GRAMD2B: variants seen among roughly 807,000 people sequenced by gnomAD.
The protein encoded by GRAMD2B is GRAM domain containing 2B, also known as GRAM domain-containing protein 2B.
A neutral mutation model predicts 59.2 loss-of-function variants in GRAMD2B; 41 were observed. The ratio of observed to expected loss-of-function variants is 0.69; its 90% CI spans 0.54 to 0.90. The LOEUF is 0.90. GRAMD2B is among the 40% of genes least tolerant of loss of function. GRAMD2B has a pLI of 0.00. For synonymous variants in GRAMD2B, 161 were observed against 182.7 expected, an observed-to-expected ratio of 0.88 and a Z score of 0.96; for missense variants, 424 against 500.5, an observed-to-expected ratio of 0.85 and a Z score of 1.46.
exon 1 of GRAMD2B, chr5:126,360,345 A>C: frequency 6.4e-7 from 1 of 1,551,344 alleles, no homozygotes; most frequent in South Asian, 1.2e-5. Flanking sequence ...ACAAGGAGAC[A>C]GCAAGTCCTA....
chr5:126,425,880 T>C (rs972771286), intron 1 of GRAMD2B, among the ~76,000 whole-genome samples: 1 of 152,088 alleles, frequency 6.6e-6, no homozygotes, highest in African/African-American at 2.4e-5. Context: ...AAGGAGGGAA[T>C]AGGGAGTTGA....
intron 1 of GRAMD2B, among the ~76,000 whole-genome samples, chr5:126,450,929 T>C (rs1490090641): frequency 6.6e-6 from 1 of 152,208 alleles, no homozygotes; most frequent in Non-Finnish European, 1.5e-5. Flanking sequence ...ACACAAAAAC[T>C]CTACTAGGGC....
At chr5:126,477,307 G>C (rs1029978769) in intron 5 of GRAMD2B, among the ~76,000 whole-genome samples, 1 of 152,234 alleles carries the variant, frequency 6.6e-6, no homozygotes, top group Non-Finnish European at 1.5e-5. Context: ...CATGCACCTA[G>C]AGACAGAGGA....
Position 126,447,754 on chromosome 5 carries a change from T to C in GRAMD2B, c.84-17672T>C, listed in dbSNP as rs193153303. The stretch of plus-strand genomic sequence containing the variant: ...ACATGAAGTCCTTAAGGTAAATGAA[T>C]TGAACCTTTTTGTGGGGATACAGAG... On this transcript the variant is annotated intron_variant, in intron 1 of 13. Transcript: ENST00000285689. Among the ~76,000 whole-genome samples the C allele has an allele frequency of 4.3e-3, 660 of 151,752 alleles. 12 individuals carry two copies. Among genetic ancestry groups the C allele is most frequent in the Admixed American group, 0.041 (623 of 15,264 alleles).
At chr5:126,448,946 A>G (rs978070507) in intron 1 of GRAMD2B, among the ~76,000 whole-genome samples, 1 of 152,228 alleles carries the variant, frequency 6.6e-6, no homozygotes, top group Non-Finnish European at 1.5e-5. Context: ...GTGTGGTATC[A>G]TGGTGTCACG....
intron 1 of GRAMD2B, among the ~76,000 whole-genome samples, chr5:126,442,349 G>T (rs1171288621): frequency 6.8e-6 from 1 of 148,136 alleles, no homozygotes. Context: ...GGAGTGTAAT[G>T]GTGTGATGTG....
rs1341061888 is a variant in GRAMD2B, at chr5:126,494,235, C to T, written c.*1279C>T. Reference sequence around the variant, plus strand: ...GCTTTTTAACTCTTTTTCCACCTGCCATCTACTACTACCAACTCACTTATA... The same window carrying T: ...GCTTTTTAACTCTTTTTCCACCTGCTATCTACTACTACCAACTCACTTATA... On this transcript the variant is annotated 3_prime_UTR_variant, in exon 14 of 14. Coordinates refer to ENST00000285689, the MANE Select transcript of GRAMD2B (RefSeq NM_023927.4). 6.6e-6 allele frequency: 1 copy of T among 152,170 alleles called. No individual in the cohort carries two copies. The highest frequency in any genetic ancestry group is 1.5e-5 in the Non-Finnish European group (1 of 68,000). The allele number at this position is 152,170 out of a possible 1,614,324, so 9.4% of individuals were successfully genotyped here.
At chr5:126,395,647 AT>A (rs528973621) in intron 1 of GRAMD2B, among the ~76,000 whole-genome samples, 1 of 152,202 alleles carries the variant, frequency 6.6e-6, no homozygotes, top group South Asian at 2.1e-4. Context: ...GTATTAATCA[AT>A]TTTAGAATGC....
intron 1 of GRAMD2B, among the ~76,000 whole-genome samples, chr5:126,440,097 T>C (rs531412408): frequency 2.0e-5 from 3 of 152,304 alleles, no homozygotes; most frequent in South Asian, 4.1e-4. Flanking sequence ...GTCAATTACC[T>C]TTCTTAATTA....
intron 13 of GRAMD2B, among the ~76,000 whole-genome samples, chr5:126,491,906 A>G (rs1052800029): frequency 1.3e-5 from 2 of 151,944 alleles, no homozygotes; most frequent in Non-Finnish European, 2.9e-5. Flanking sequence ...GCTAATTTGT[A>G]TATTTTTTAG....
upstream of GRAMD2B, among the ~76,000 whole-genome samples, chr5:126,366,711 A>G (rs1754451445): frequency 6.6e-6 from 1 of 152,124 alleles, no homozygotes; most frequent in Non-Finnish European, 1.5e-5. Context: ...ACTCTAAACC[A>G]TGAAATCAAA....
chr5:126,473,292 T>C lies in GRAMD2B; in HGVS notation c.410T>C (p.Ile137Thr). ...TTTACCTGTGCTCTACAGAAAGAAA[T>C]ACTATACCAAGGAAAGCTCTTTGTA... ...QSFTCALQKE[I>T]LYQGKLFVSE... Residue 137 changes from isoleucine (I) to threonine (T), a missense_variant, in exon 5 of 14, where the codon ATA becomes ACA. Transcript: ENST00000285689. The C allele has an allele frequency of 6.6e-7, 1 of 1,505,230 alleles. No individual in the cohort carries two copies. The highest frequency in any genetic ancestry group is 9.0e-7 in the Non-Finnish European group (1 of 1,111,538). 93.2% of individuals were successfully genotyped at this position (1,505,230 alleles called of 1,614,324 possible). A position where few individuals can be genotyped will look rare whatever the true frequency, so the allele number is the denominator to read the frequency against.
At chr5:126,421,969 A>G (rs554227570), upstream of GRAMD2B, among the ~76,000 whole-genome samples, 39 of 152,348 alleles carry the variant, frequency 2.6e-4, no homozygotes, top group African/African-American at 8.9e-4. Context: ...TACTGTTGCC[A>G]CTTGTAATTG....
chr5:126,385,400 A>T (rs1407962944), intron 1 of GRAMD2B, among the ~76,000 whole-genome samples: 1 of 152,220 alleles, frequency 6.6e-6, no homozygotes, highest in Non-Finnish European at 1.5e-5. Flanking sequence ...TACCTCCATA[A>T]ATATAAATGT....
At chr5:126,412,142 C>T (rs116392282) in intron 1 of GRAMD2B, among the ~76,000 whole-genome samples, 11,105 of 152,026 alleles carry the variant, frequency 0.073, 594 homozygotes, top group Non-Finnish European at 0.11. Flanking sequence ...ACTTCCAGAA[C>T]TATGTTGAAT....
intron 1 of GRAMD2B, among the ~76,000 whole-genome samples, chr5:126,361,964 C>A (rs7700582): frequency 0.32 from 49,066 of 152,030 alleles, 8,011 homozygotes; most frequent in Non-Finnish European, 0.34. Context: ...CTCCCAGAAG[C>A]ATTCCCAGCA....
At chr5:126,416,898 C>A (rs796680584) in intron 1 of GRAMD2B, among the ~76,000 whole-genome samples, 7 of 152,320 alleles carry the variant, frequency 4.6e-5, no homozygotes, top group African/African-American at 9.6e-5. Flanking sequence ...ATTTTCTTTA[C>A]ATCTCTTACT....
At chr5:126,481,868 C>A (rs139936352) in intron 8 of GRAMD2B, among the ~76,000 whole-genome samples, 2 of 150,888 alleles carry the variant, frequency 1.3e-5, no homozygotes, top group Non-Finnish European at 2.9e-5. Flanking sequence ...CTCAGGAGGC[C>A]GAGGCAGGAG....
At chr5:126,414,823 T>C (rs557824083) in intron 1 of GRAMD2B, among the ~76,000 whole-genome samples, 2 of 152,224 alleles carry the variant, frequency 1.3e-5, no homozygotes, top group Admixed American at 6.5e-5. Flanking sequence ...TATAGGAAGA[T>C]GGTAAATGCA....
Sources: gnomAD v4.1 joint callset for allele counts (sites outside exome capture counted in the v4.1 genomes callset) on GRCh38, gnomAD v4.1.1 for gene constraint, MANE v1.5 for transcripts, NCBI Gene and HGNC (gene_info 2026-07-23, HGNC 2026-07-21) for gene names.